The following ELAPOR1 variants were observed in gnomAD, a reference collection of about 807,000 sequenced individuals.
ELAPOR1 encodes endosome-lysosome associated apoptosis and autophagy regulator 1, also known as endosome/lysosome-associated apoptosis and autophagy regulator 1.
ELAPOR1 carries 77 observed loss-of-function variants against 119.7 expected under a neutral mutation model. The ratio of observed to expected loss-of-function variants is 0.64; its 90% confidence interval spans 0.54 to 0.78. ELAPOR1 has a LOEUF of 0.78. ELAPOR1 is among the 30% of genes least tolerant of loss of function. The pLI, the probability that ELAPOR1 is intolerant of heterozygous loss-of-function variation, is 0.00. For synonymous variants in ELAPOR1, 481 were observed against 487.2 expected, an observed-to-expected ratio of 0.99 and a Z score of 0.17; for missense variants, 1,115 against 1,270.4, an observed-to-expected ratio of 0.88 and a Z score of 1.86.
chr1:109,168,983 T>C (rs1402480415), intron 3 of ELAPOR1, among the ~76,000 whole-genome samples: 1 of 152,226 alleles, frequency 6.6e-6, no homozygotes, highest in Admixed American at 6.5e-5. Flanking sequence ...AACCCACTTA[T>C]GGCATCTTTT....
intron 7 of ELAPOR1, among the ~76,000 whole-genome samples, chr1:109,174,369 C>T (rs1652112740): frequency 8.2e-6 from 1 of 121,418 alleles, no homozygotes; most frequent in Non-Finnish European, 1.6e-5. Flanking sequence ...GCCATGATCA[C>T]ACCACTGCAC....
At chr1:109,188,819 A>G (rs1045067592) in intron 9 of ELAPOR1, among the ~76,000 whole-genome samples, 1 of 152,236 alleles carries the variant, frequency 6.6e-6, no homozygotes, top group Non-Finnish European at 1.5e-5. Flanking sequence ...AAGTTTTGAA[A>G]TGGAAATTGG....
At chr1:109,182,149 G>A (rs1311942310) in intron 7 of ELAPOR1, among the ~76,000 whole-genome samples, 1 of 152,034 alleles carries the variant, frequency 6.6e-6, no homozygotes, top group East Asian at 1.9e-4. Flanking sequence ...GACCAACATG[G>A]TGAAATCCCA....
intron 21 of ELAPOR1, chr1:109,201,191 T>C (rs1654153532): frequency 4.0e-6 from 2 of 499,554 alleles, no homozygotes; most frequent in South Asian, 3.7e-5. Context: ...TACTGAACCA[T>C]CTATGTTGTA....
chr1:109,142,334 G>C (rs1372520648), intron 1 of ELAPOR1, among the ~76,000 whole-genome samples: 2 of 152,242 alleles, frequency 1.3e-5, no homozygotes, highest in Non-Finnish European at 2.9e-5. Context: ...AAGCTATGAA[G>C]TTAGGAGTAA....
rs1278715041 is a variant in ELAPOR1 at position 109,161,887 on chromosome 1, C to T, written c.154-7C>T. ...GCACATTTCGCCCACTGTTCTCTCC[C>T]CTGCAGTCTGAGTACCACTATGAGT... On this transcript the variant is annotated splice_region_variant and splice_polypyrimidine_tract_variant and intron_variant, in intron 1 of 21. Transcript: ENST00000369939. The T allele has an allele frequency of 6.2e-7, 1 of 1,608,538 alleles. No homozygotes were observed. The highest frequency in any genetic ancestry group is 1.7e-4 in the Middle Eastern group (1 of 6,044).
intron 18 of ELAPOR1, among the ~76,000 whole-genome samples, chr1:109,199,047 TC>T (rs1475071352): frequency 1.3e-5 from 2 of 152,192 alleles, no homozygotes; most frequent in African/African-American, 4.8e-5. Context: ...AATGCTAAAT[TC>T]CCTCAGCGGG....
At chr1:109,144,061 A>ATATATATATATTTTTTTTTTTTT in intron 1 of ELAPOR1, among the ~76,000 whole-genome samples, 4 of 88,992 alleles carry the variant, frequency 4.5e-5, no homozygotes, top group African/African-American at 1.4e-4. Flanking sequence ...ATATTTATAT[A>ATATATATATATTTTTTTTTTTTT]TTTTTTTTTT....
chr1:109,126,312 C>T (rs1292283237), intron 1 of ELAPOR1, among the ~76,000 whole-genome samples: 4 of 152,118 alleles, frequency 2.6e-5, no homozygotes, highest in African/African-American at 9.7e-5. Context: ...ACCACATAAA[C>T]TTACACTTGT....
chr1:109,188,090 C>T, intron 8 of ELAPOR1, 87 bp from the exon 9 acceptor site: 1 of 1,500,812 alleles, frequency 6.7e-7, no homozygotes, highest in Non-Finnish European at 8.9e-7. Flanking sequence ...ATCTGGATCT[C>T]TGCCCCCAGC....
intron 7 of ELAPOR1, among the ~76,000 whole-genome samples, chr1:109,184,267 A>AGTGAGTAGGAGAATCAAGAGTGAGT (rs1652919361): frequency 6.6e-6 from 1 of 152,078 alleles, no homozygotes; most frequent in Non-Finnish European, 1.5e-5. Flanking sequence ...GCTACTCAAG[A>AGTGAGTAGGAGAATCAAGAGTGAGT]AGCTGAGGCA....
At chr1:109,149,380 C>T (rs986767935) in intron 1 of ELAPOR1, among the ~76,000 whole-genome samples, 1 of 151,870 alleles carries the variant, frequency 6.6e-6, no homozygotes, top group African/African-American at 2.4e-5. Flanking sequence ...ATCAGTGTTA[C>T]TCAGTTTTGT....
In ELAPOR1 at chr1:109,164,641, C is replaced by T; in HGVS notation, c.417C>T (p.Ala139=). 1.2e-6 allele frequency: 2 copies of T among 1,614,236 alleles called. No individual in the cohort carries two copies. Among genetic ancestry groups the T allele is most frequent in the Non-Finnish European group, 1.7e-6 (2 of 1,180,030 alleles). Residue 139 remains alanine, a synonymous_variant, in exon 3 of 22, where the codon GCC becomes GCT. Coordinates refer to ENST00000369939, the MANE Select transcript of ELAPOR1 (RefSeq NM_020775.5). ...ELPHGFASLS[A]NMELDDSAAE... ...CCCATGGCTTTGCCAGCCTCTCAGC[C>T]AACATGGAGCTGGATGACAGTGCTG... is the stretch of plus-strand genomic sequence containing the variant.
intron 1 of ELAPOR1, among the ~76,000 whole-genome samples, chr1:109,115,245 A>G (rs1454260738): frequency 1.3e-5 from 2 of 152,200 alleles, no homozygotes; most frequent in Admixed American, 6.5e-5. Flanking sequence ...TTTAGAAACC[A>G]TATGGCAGAG....
chr1:109,144,751 A>C (rs1310008186), intron 1 of ELAPOR1, among the ~76,000 whole-genome samples: 2 of 152,234 alleles, frequency 1.3e-5, no homozygotes, highest in African/African-American at 4.8e-5. Context: ...TCAATAAAAA[A>C]AAAGAAATGG....
In ELAPOR1 at chr1:109,134,806, T is replaced by G. The variant is rs150911801; in HGVS notation, c.153+20470T>G. 1.2e-3 allele frequency among the ~76,000 whole-genome samples: 177 copies of G among 152,264 alleles called. 3 individuals carry two copies. Among genetic ancestry groups the G allele is most frequent in the Non-Finnish European group, 3.2e-4 (22 of 68,016 alleles). Reference sequence around the variant, plus strand: ...CCTTGCTAGGTGGGAAGGCTGAAGCTGAACTTGGGAATTCTCATCAGGGCT... The same window carrying G: ...CCTTGCTAGGTGGGAAGGCTGAAGCGGAACTTGGGAATTCTCATCAGGGCT... On this transcript the variant is annotated intron_variant, in intron 1 of 21. Transcript: ENST00000369939.
At chr1:109,198,203 C>T in intron 17 of ELAPOR1, 128 bp downstream of exon 17, 1 of 739,788 alleles carries the variant, frequency 1.4e-6, no homozygotes. Context: ...AGCAGATCTG[C>T]CCAGTCATGA....
Position 109,172,536 on chromosome 1 carries a change from A to C in ELAPOR1, c.664A>C (p.Lys222Gln), listed in dbSNP as rs1651986213. ...QPNADDSRWM[K>Q]TTEKGWEFHS... ...CAATGCAGATGACTCCAGGTGGATG[A>C]AGACCACAGAGAAAGGATGGGAATT... is the stretch of plus-strand genomic sequence containing the variant. The change falls in exon 5 of 22, where the codon AAG becomes CAG. Residue 222 changes from lysine (K) to glutamine (Q), a missense_variant. Coordinates refer to ENST00000369939, the MANE Select transcript of ELAPOR1 (RefSeq NM_020775.5). The C allele has an allele frequency of 6.2e-7, 1 of 1,613,700 alleles. No homozygotes were observed. Among genetic ancestry groups the C allele is most frequent in the South Asian group, 1.1e-5 (1 of 91,080 alleles).
At chr1:109,166,474 G>A (rs998334862) in intron 3 of ELAPOR1, among the ~76,000 whole-genome samples, 8 of 152,152 alleles carry the variant, frequency 5.3e-5, no homozygotes, top group African/African-American at 1.9e-4. Context: ...TTGGAGAACT[G>A]GATATCTATT....
Sources: gnomAD v4.1 joint callset for allele counts (sites outside exome capture counted in the v4.1 genomes callset) on GRCh38, gnomAD v4.1.1 for gene constraint, MANE v1.5 for transcripts, NCBI Gene and HGNC (gene_info 2026-07-23, HGNC 2026-07-21) for gene names.